Variants in PCDHA12 observed in about 807,000 individuals in gnomAD.
PCDHA12 encodes protocadherin alpha-12.
A neutral mutation model predicts 60.0 loss-of-function variants in PCDHA12; 44 were observed. That is an observed-to-expected ratio of 0.73 (90% confidence interval 0.58 to 0.94). The LOEUF (loss-of-function observed/expected upper bound fraction) is 0.94. PCDHA12 is among the 40% of genes least tolerant of loss of function. The probability of loss-of-function intolerance (pLI) is 0.00; values close to 1 mark genes in which losing one functional copy is unlikely to be tolerated. For missense variants in PCDHA12, 1,276 were observed against 1,239.7 expected, an observed-to-expected ratio of 1.03 and a Z score of -0.44; for synonymous variants, 569 against 553.0, an observed-to-expected ratio of 1.03 and a Z score of -0.40.
chr5:140,967,508 C>G (rs2096150874), intron 1 of PCDHA12: 2 of 1,612,712 alleles, frequency 1.2e-6, no homozygotes, highest in Non-Finnish European at 1.7e-6. Flanking sequence ...TGTGCGTGTC[C>G]TGGACACTAA....
intron 1 of PCDHA12, chr5:140,881,444 A>C (rs2058716592): frequency 1.2e-6 from 1 of 800,270 alleles, no homozygotes; most frequent in African/African-American, 1.9e-5. Context: ...ATAAAAACAG[A>C]ATCCAAAACC....
At chr5:140,970,663 CAAAT>C (rs1216768545) in intron 1 of PCDHA12, among the ~76,000 whole-genome samples, 1 of 152,136 alleles carries the variant, frequency 6.6e-6, no homozygotes, top group Non-Finnish European at 1.5e-5. Flanking sequence ...GTTATCTTTC[CAAAT>C]AACTACTTTG....
At chr5:140,947,601 A>G (rs1296948194) in intron 1 of PCDHA12, among the ~76,000 whole-genome samples, 1 of 151,680 alleles carries the variant, frequency 6.6e-6, no homozygotes, top group Non-Finnish European at 1.5e-5. Context: ...TTTAGGGAAG[A>G]TTTGGTATCT....
At chr5:140,896,346 G>T (rs1466880160) in intron 1 of PCDHA12, among the ~76,000 whole-genome samples, 18 of 151,992 alleles carry the variant, frequency 1.2e-4, no homozygotes, top group Non-Finnish European at 2.5e-4. Flanking sequence ...TTATATTCCC[G>T]CCAGCAGTGT....
At chr5:140,911,202 A>C (rs1554194649) in intron 1 of PCDHA12, among the ~76,000 whole-genome samples, 1 of 152,184 alleles carries the variant, frequency 6.6e-6, no homozygotes. Flanking sequence ...ACATGTTGCC[A>C]CTACTGGGGA....
chr5:140,882,331 C>T, intron 1 of PCDHA12: 3 of 1,614,214 alleles, frequency 1.9e-6, no homozygotes, highest in South Asian at 2.2e-5. Flanking sequence ...TTCTGATCCT[C>T]GCAGCCTGGG....
chr5:140,882,197 G>T, intron 1 of PCDHA12: 2 of 1,521,690 alleles, frequency 1.3e-6, no homozygotes, highest in Non-Finnish European at 1.8e-6. Flanking sequence ...CATAAAAATT[G>T]GGCCTTGAGA....
chr5:140,988,411 A>T (rs2097296392), intron 3 of PCDHA12, among the ~76,000 whole-genome samples: 1 of 152,144 alleles, frequency 6.6e-6, no homozygotes, highest in Non-Finnish European at 1.5e-5. Flanking sequence ...TTCGCAGCTT[A>T]TGTAAAGAAT....
At chr5:140,964,699 G>A (rs2095849795) in intron 1 of PCDHA12, among the ~76,000 whole-genome samples, 1 of 151,922 alleles carries the variant, frequency 6.6e-6, no homozygotes, top group Non-Finnish European at 1.5e-5. Context: ...GAGAGATTAA[G>A]GCCTCCGAGA....
intron 1 of PCDHA12, among the ~76,000 whole-genome samples, chr5:140,957,103 A>G (rs1207553042): frequency 6.6e-6 from 1 of 152,168 alleles, no homozygotes; most frequent in Non-Finnish European, 1.5e-5. Flanking sequence ...ATTGCTATGG[A>G]CATGATTCTG....
At chr5:140,887,976 TA>T (rs1462545504) in intron 1 of PCDHA12, among the ~76,000 whole-genome samples, 1 of 152,256 alleles carries the variant, frequency 6.6e-6, no homozygotes, top group African/African-American at 2.4e-5. Context: ...TTTTAAAATT[TA>T]TTTTACATGT....
chr5:140,957,468 T>C (rs1318789577), intron 1 of PCDHA12, among the ~76,000 whole-genome samples: 2 of 152,166 alleles, frequency 1.3e-5, no homozygotes, highest in African/African-American at 4.8e-5. Context: ...GGTATGTATG[T>C]ATAGGAAAAA....
rs2098419589 is a variant in PCDHA12 at position 141,011,142 on chromosome 5, C to A, written c.*1205C>A. 1 of 153,660 alleles carries A rather than the reference C, an allele frequency of 6.5e-6. No individual in the cohort carries two copies. The highest frequency in any genetic ancestry group is 2.1e-4 in the South Asian group (1 of 4,820). 9.5% of individuals were successfully genotyped at this position (153,660 alleles called of 1,614,324 possible). On this transcript the variant is annotated 3_prime_UTR_variant, in exon 4 of 4. Transcript: ENST00000398631. ...CAATTATGTGCACTTTGATACACAA[C>A]CTTCTCTAACCAACTATATATCAAG...
intron 3 of PCDHA12, among the ~76,000 whole-genome samples, chr5:140,983,631 C>T (rs1336337529): frequency 2.0e-5 from 3 of 152,134 alleles, no homozygotes; most frequent in African/African-American, 7.2e-5. Context: ...AAGAAATGTA[C>T]CCAAGTTCAC....
intron 1 of PCDHA12, among the ~76,000 whole-genome samples, chr5:140,902,203 C>CTTTTTTTTTT (rs148688132): frequency 8.0e-6 from 1 of 124,460 alleles, no homozygotes; most frequent in Non-Finnish European, 1.7e-5. Flanking sequence ...CTCTCTCTTT[C>CTTTTTTTTTT]TTTTTTTTTT....
At chr5:140,928,309 G>C in intron 1 of PCDHA12, 1 of 1,614,124 alleles carries the variant, frequency 6.2e-7, no homozygotes, top group Non-Finnish European at 8.5e-7. Flanking sequence ...CCAGGACCCC[G>C]ACCTGGGGAA....
At chr5:140,897,772 C>T (rs1393087365) in intron 1 of PCDHA12, among the ~76,000 whole-genome samples, 2 of 152,192 alleles carry the variant, frequency 1.3e-5, no homozygotes, top group Non-Finnish European at 2.9e-5. Context: ...ACACTGACTT[C>T]CACAATGGTT....
intron 3 of PCDHA12, among the ~76,000 whole-genome samples, chr5:140,984,412 A>G (rs1189115390): frequency 5.9e-5 from 9 of 152,184 alleles, no homozygotes; most frequent in African/African-American, 2.2e-4. Flanking sequence ...TATCTTTTTT[A>G]CAGAGATAGA....
intron 3 of PCDHA12, among the ~76,000 whole-genome samples, chr5:140,985,169 C>G (rs1169892350): frequency 6.6e-6 from 1 of 152,122 alleles, no homozygotes; most frequent in Non-Finnish European, 1.5e-5. Flanking sequence ...AATCTCCTGA[C>G]CTCGTAATCC....
Sources: allele counts gnomAD v4.1 joint callset (sites outside exome capture counted in the v4.1 genomes callset), GRCh38; gene constraint gnomAD v4.1.1; transcripts MANE v1.5; gene names NCBI Gene and HGNC (gene_info 2026-07-23, HGNC 2026-07-21).